Variants in DPP10 observed in about 807,000 individuals in gnomAD.
DPP10 encodes the protein inactive dipeptidyl peptidase 10.
Under a neutral mutation model 120.9 loss-of-function variants are expected in DPP10, and 33 were observed. The observed-to-expected ratio is 0.27, with a 90% confidence interval of 0.21 to 0.37. DPP10 has a LOEUF of 0.37. Ranked by LOEUF, DPP10 falls within the 10% of genes least tolerant of loss-of-function variation. DPP10 has a pLI of 1.00. For synonymous variants in DPP10, 337 were observed against 326.1 expected (o/e 1.03, Z -0.36); for missense variants, 816 against 942.8 (o/e 0.87, Z 1.76).
At chr2:114,680,286 T>C (rs563007774) in intron 1 of DPP10, among the ~76,000 whole-genome samples, 7 of 152,154 alleles carry the variant, frequency 4.6e-5, no homozygotes, top group African/African-American at 1.2e-4. Flanking sequence ...ATGTTTATGA[T>C]TTTGTAATCA....
At chr2:115,093,939 A>G (rs558935021) in intron 1 of DPP10, among the ~76,000 whole-genome samples, 18 of 152,204 alleles carry the variant, frequency 1.2e-4, no homozygotes, top group Non-Finnish European at 1.6e-4. Context: ...TGTGTCCATG[A>G]GACATACAGT....
At chr2:115,263,797 A>G (rs1379301821) in intron 1 of DPP10, among the ~76,000 whole-genome samples, 1 of 152,220 alleles carries the variant, frequency 6.6e-6, no homozygotes, top group African/African-American at 2.4e-5. Context: ...CCTTATATAC[A>G]TGTTAGATAG....
At chr2:115,377,540 G>T (rs1574618075) in intron 3 of DPP10, among the ~76,000 whole-genome samples, 1 of 152,130 alleles carries the variant, frequency 6.6e-6, no homozygotes, top group East Asian at 1.9e-4. Flanking sequence ...TTGCTGTGAA[G>T]AAGCTCTTTA....
chr2:114,521,886 C>A (rs966975336), intron 1 of DPP10, among the ~76,000 whole-genome samples: 1 of 147,044 alleles, frequency 6.8e-6, no homozygotes, highest in African/African-American at 2.5e-5. Context: ...CGGCTCACTG[C>A]AAGCTCCGCT....
intron 19 of DPP10, among the ~76,000 whole-genome samples, chr2:115,792,903 C>T (rs2149921809): frequency 6.6e-6 from 1 of 152,314 alleles, no homozygotes; most frequent in South Asian, 2.1e-4. Context: ...GAACTGACTG[C>T]CCTTGAAGCA....
intron 21 of DPP10, among the ~76,000 whole-genome samples, chr2:115,817,116 C>T (rs1026812503): frequency 4.6e-5 from 7 of 151,510 alleles, no homozygotes; most frequent in African/African-American, 7.3e-5. Flanking sequence ...GGCGTGGTGG[C>T]GGGCGCCTGT....
At chr2:114,770,844 C>G (rs1398372771) in intron 1 of DPP10, among the ~76,000 whole-genome samples, 1 of 152,100 alleles carries the variant, frequency 6.6e-6, no homozygotes, top group African/African-American at 2.4e-5. Context: ...ATTCCAGGAA[C>G]TACTCATATA....
At chr2:115,538,058 A>G (rs915238028) in intron 5 of DPP10, among the ~76,000 whole-genome samples, 1 of 151,962 alleles carries the variant, frequency 6.6e-6, no homozygotes, top group Non-Finnish European at 1.5e-5. Context: ...AAACCCATAA[A>G]CCATCACTAG....
intron 7 of DPP10, among the ~76,000 whole-genome samples, chr2:115,696,062 A>G (rs1407569856): frequency 6.6e-6 from 1 of 152,120 alleles, no homozygotes; most frequent in African/African-American, 2.4e-5. Flanking sequence ...GAGTATTAGG[A>G]ACATAAAAAA....
In DPP10 at chr2:115,034,535, TC is replaced by T. The variant is rs548894246; in HGVS notation, c.61-274701del. Among the ~76,000 whole-genome samples, 317 of 152,292 alleles carry T rather than the reference TC, an allele frequency of 2.1e-3. 1 individual carries two copies. The highest frequency in any genetic ancestry group is 3.7e-3 in the Non-Finnish European group (253 of 68,020). On this transcript the variant is annotated intron_variant, in intron 1 of 25. Coordinates refer to ENST00000410059, the MANE Select transcript of DPP10 (RefSeq NM_020868.6). The stretch of plus-strand genomic sequence containing the variant: ...TGATCTCCCACTGCCCTCAGAAATG[TC>T]CCTTTCTTCTTCATTTTCTATGTAT...
intron 1 of DPP10, among the ~76,000 whole-genome samples, chr2:114,792,731 T>C (rs1395889608): frequency 6.6e-6 from 1 of 152,214 alleles, no homozygotes; most frequent in East Asian, 1.9e-4. Context: ...ACACCTGAGC[T>C]CTCAGCTCTA....
At chr2:114,592,739 CAAT>C (rs767539714) in intron 1 of DPP10, among the ~76,000 whole-genome samples, 25 of 152,016 alleles carry the variant, frequency 1.6e-4, no homozygotes, top group Non-Finnish European at 2.8e-4. Context: ...ATTAAAACAA[CAAT>C]GAGATATTCT....
chr2:114,473,756 A>T (rs934844262), intron 1 of DPP10, among the ~76,000 whole-genome samples: 1 of 152,240 alleles, frequency 6.6e-6, no homozygotes, highest in Non-Finnish European at 1.5e-5. Flanking sequence ...TGAAATGGAA[A>T]GATTTTTATG....
At chr2:115,521,605 A>C (rs376303231) in intron 4 of DPP10, among the ~76,000 whole-genome samples, 1 of 143,556 alleles carries the variant, frequency 7.0e-6, no homozygotes, top group Non-Finnish European at 1.5e-5. Flanking sequence ...TCTAATCCTT[A>C]TTTTTTTTTT....
chr2:115,164,969 T>A (rs2052718971), intron 1 of DPP10, among the ~76,000 whole-genome samples: 1 of 152,236 alleles, frequency 6.6e-6, no homozygotes, highest in African/African-American at 2.4e-5. Context: ...AAAATATTTA[T>A]GACAGTTATT....
At chr2:114,509,906 A>T (rs1683990982) in intron 1 of DPP10, among the ~76,000 whole-genome samples, 1 of 152,208 alleles carries the variant, frequency 6.6e-6, no homozygotes, top group Admixed American at 6.5e-5. Context: ...GTTTGTTTTT[A>T]CATTCATTTT....
At chr2:115,560,757 A>C (rs2080597133) in intron 5 of DPP10, among the ~76,000 whole-genome samples, 5 of 151,812 alleles carry the variant, frequency 3.3e-5, no homozygotes, top group Admixed American at 2.0e-4. Flanking sequence ...CAAAGAACAA[A>C]TTAGTAATGG....
At chr2:115,343,671 A>C in intron 2 of DPP10, 146 bp from the exon 3 acceptor site, 1 of 451,414 alleles carries the variant, frequency 2.2e-6, no homozygotes, top group Non-Finnish European at 3.9e-6. Flanking sequence ...AACAAAGTTC[A>C]AATGCCAAAA....
At chr2:114,864,055 A>C (rs1023759191) in intron 1 of DPP10, among the ~76,000 whole-genome samples, 24 of 152,250 alleles carry the variant, frequency 1.6e-4, no homozygotes, top group African/African-American at 5.8e-4. Flanking sequence ...ATTGAAAATA[A>C]CATTTTTGAA....
Sources: allele counts gnomAD v4.1 joint callset (sites outside exome capture counted in the v4.1 genomes callset), GRCh38; gene constraint gnomAD v4.1.1; transcripts MANE v1.5; gene names NCBI Gene and HGNC (gene_info 2026-07-23, HGNC 2026-07-21).